The following ERCC5 variants were observed in gnomAD, a reference collection of about 807,000 sequenced individuals.
ERCC5 encodes ERCC excision repair 5, endonuclease.
Under a neutral mutation model 105.6 loss-of-function variants are expected in ERCC5, and 68 were observed. The ratio of observed to expected loss-of-function variants is 0.64; its 90% CI spans 0.53 to 0.79. ERCC5 has a LOEUF of 0.79. ERCC5 is among the 30% of genes least tolerant of loss of function. The pLI is 0.00. For synonymous variants in ERCC5, 546 were observed against 526.2 expected (o/e 1.04, Z -0.51); for missense variants, 1,373 against 1,426.7 (o/e 0.96, Z 0.61).
rs543128325 is a variant in ERCC5, at chr13:102,875,055, T to C, written c.2965-252T>C. On this transcript the variant is annotated intron_variant, in intron 14 of 14. Transcript: ENST00000652225. ...GCTCTTTGAATATCTTAGGAAGAGA[T>C]TTCTCATTTGAGATGTGGACTAAAG... Among the ~76,000 whole-genome samples the C allele has an allele frequency of 6.6e-5, 10 of 152,342 alleles. No individual in the cohort carries two copies. In the South Asian group the frequency reaches 1.2e-3, roughly 19 times the overall value.
chr13:102,854,114 T>G (rs1181718682), intron 3 of ERCC5, among the ~76,000 whole-genome samples, 174 bp from the exon 4 acceptor site: 2 of 152,204 alleles, frequency 1.3e-5, no homozygotes, highest in African/African-American at 4.8e-5. Flanking sequence ...GTACACTTTT[T>G]ACTTTGATTA....
chr13:102,849,507 A>C (rs1039948831), intron 1 of ERCC5: 1 of 488,896 alleles, frequency 2.0e-6, no homozygotes, highest in African/African-American at 1.9e-5. Context: ...AGAAATAAGC[A>C]TAGCAGTAGC....
intron 13 of ERCC5, 35 bp from the exon 14 acceptor site, chr13:102,873,224 C>G (rs758731631): frequency 6.2e-7 from 1 of 1,612,604 alleles, no homozygotes; most frequent in Non-Finnish European, 8.5e-7. Flanking sequence ...GTTTAAATAT[C>G]TTTCAAAATA....
rs145853933 is a variant in ERCC5 at position 102,862,685 on chromosome 13, C to T, written c.1536C>T (p.Asp512=). The T allele has an allele frequency of 1.3e-4, 212 of 1,614,092 alleles. No individual in the cohort carries two copies. The African/African-American group carries it at 1.7e-3, about 13-fold the overall frequency. ...PLESAVVRHS[D]APGLPNGREL... Reference sequence around the variant, plus strand: ...AGAGTGCAGTGGTTAGACATAGTGACGCACCTGGGCTCCCGAATGGAAGGG... The same window carrying T: ...AGAGTGCAGTGGTTAGACATAGTGATGCACCTGGGCTCCCGAATGGAAGGG... The change falls in exon 8 of 15, where the codon GAC becomes GAT. Residue 512 remains aspartate, a synonymous_variant. Coordinates refer to ENST00000652225, the MANE Select transcript of ERCC5 (RefSeq NM_000123.4).
intron 5 of ERCC5, among the ~76,000 whole-genome samples, chr13:102,858,063 T>G (rs1381362196): frequency 6.6e-6 from 1 of 152,222 alleles, no homozygotes; most frequent in African/African-American, 2.4e-5. Flanking sequence ...AAGTATTTTT[T>G]TCTTTTGAAT....
chr13:102,846,611 C>T (rs2140512010), intron 1 of ERCC5, among the ~76,000 whole-genome samples: 1 of 152,312 alleles, frequency 6.6e-6, no homozygotes, highest in Middle Eastern at 3.4e-3. Flanking sequence ...GTGGTATTTG[C>T]ATATAAACTA....
intron 12 of ERCC5, among the ~76,000 whole-genome samples, chr13:102,871,055 G>GT (rs139655854): frequency 0.022 from 3,419 of 152,314 alleles, 112 homozygotes; most frequent in African/African-American, 0.077. Context: ...CTCAGGCCTG[G>GT]TGGGGGTGTC....
intron 1 of ERCC5, chr13:102,849,462 G>A: frequency 1.9e-6 from 1 of 518,540 alleles, no homozygotes; most frequent in Non-Finnish European, 3.9e-6. Context: ...CTAGGGTCTT[G>A]GATATGCCTG....
intron 5 of ERCC5, 136 bp from the exon 6 acceptor site, chr13:102,858,139 T>C: frequency 8.1e-7 from 1 of 1,240,226 alleles, no homozygotes; most frequent in Non-Finnish European, 1.1e-6. Context: ...TCACAGATTA[T>C]ATGCAACTGT....
At chr13:102,872,696 C>T (rs1883075134) in intron 13 of ERCC5, among the ~76,000 whole-genome samples, 1 of 152,180 alleles carries the variant, frequency 6.6e-6, no homozygotes, top group Non-Finnish European at 1.5e-5. Flanking sequence ...CCTCAGCCTC[C>T]TAAGTAGCAC....
At chr13:102,867,982 AAAT>A (rs1312303500) in intron 11 of ERCC5, 128 bp from the exon 12 acceptor site, 118 of 905,654 alleles carry the variant, frequency 1.3e-4, no homozygotes, top group Admixed American at 8.3e-4. Context: ...ATTTATTTTC[AAAT>A]AATAAGATAT....
Position 102,862,405 on chromosome 13 carries a change from T to C in ERCC5, c.1256T>C (p.Met419Thr). 1.9e-6 allele frequency: 3 copies of C among 1,612,660 alleles called. No homozygotes were observed. The highest frequency in any genetic ancestry group is 1.1e-5 in the South Asian group (1 of 90,994). Residue 419 changes from methionine to threonine, a missense_variant, in exon 8 of 15, where the codon ATG becomes ACG. Physicochemically the swap from Met to Thr is moderately conservative, Grantham distance 81. Transcript: ENST00000652225. ...ACGGGAGGGCCAGGAGCAGAAGAAA[T>C]GCGTATAAACAGCTCCACCGAGAAC... Reference protein sequence around the residue: ...VQTGGPGAEEMRINSSTENSD... With the variant: ...VQTGGPGAEETRINSSTENSD...
chr13:102,856,229 G>A, intron 5 of ERCC5, 117 bp downstream of exon 5: 1 of 1,101,834 alleles, frequency 9.1e-7, no homozygotes, highest in Non-Finnish European at 1.4e-6. Context: ...AGTAAAGACA[G>A]ATGGCTTTTT....
At chr13:102,875,267 T>C in intron 14 of ERCC5, 40 bp from the exon 15 acceptor site, 1 of 1,596,296 alleles carries the variant, frequency 6.3e-7, no homozygotes, top group East Asian at 2.3e-5. Context: ...TTGACTTACT[T>C]GTCTGATTTA....
chr13:102,850,994 T>C (rs1451555744), intron 1 of ERCC5, among the ~76,000 whole-genome samples: 1 of 152,188 alleles, frequency 6.6e-6, no homozygotes, highest in South Asian at 2.1e-4. Flanking sequence ...TTTGGACAAA[T>C]ATAACATTTT....
chr13:102,872,056 C>T (rs1883051376), intron 12 of ERCC5, 142 bp from the exon 13 acceptor site: 1 of 1,022,434 alleles, frequency 9.8e-7, no homozygotes, highest in Non-Finnish European at 1.4e-6. Context: ...GCTAATAGTA[C>T]TAAAATTAAT....
At chr13:102,874,695 G>C (rs1477323770) in intron 14 of ERCC5, 1 of 152,332 alleles carries the variant, frequency 6.6e-6, no homozygotes, top group Non-Finnish European at 1.5e-5. Flanking sequence ...CTAATGTTTT[G>C]TATTTTTTTA....
rs762706415 is a variant in ERCC5, at chr13:102,875,895, A to G, written c.3553A>G (p.Lys1185Glu). ...KLRRARGRKR[K>E]T ...AAGACGTGCGAGGGGAAGAAAAAGG[A>G]AAACCTAATTAAAAAATATGTATCC... The change falls in exon 15 of 15, where the codon AAA becomes GAA. Residue 1185 changes from lysine to glutamate, a missense_variant. Lys to Glu is a moderately conservative substitution (Grantham distance 56). Coordinates refer to ENST00000652225, the MANE Select transcript of ERCC5 (RefSeq NM_000123.4). The G allele has an allele frequency of 5.0e-6, 8 of 1,606,326 alleles. No individual in the cohort carries two copies. The East Asian group carries it at 1.6e-4, about 31-fold the overall frequency.
chr13:102,855,906 A>T, intron 4 of ERCC5, 146 bp from the exon 5 acceptor site: 1 of 781,894 alleles, frequency 1.3e-6, no homozygotes. Flanking sequence ...CGTGTCCCCC[A>T]CCAGACCATG....
Sources: allele counts gnomAD v4.1 joint callset (sites outside exome capture counted in the v4.1 genomes callset), GRCh38; gene constraint gnomAD v4.1.1; transcripts MANE v1.5; gene names NCBI Gene and HGNC (gene_info 2026-07-23, HGNC 2026-07-21).